The following KIAA0232 variants were observed in gnomAD, a reference collection of about 807,000 sequenced individuals.
KIAA0232 encodes KIAA0232.
A neutral mutation model predicts 122.0 loss-of-function variants in KIAA0232; 27 were observed. The ratio of observed to expected loss-of-function variants is 0.22; its 90% CI spans 0.16 to 0.31. The LOEUF (loss-of-function observed/expected upper bound fraction) is 0.31, where lower values mean the gene tolerates loss of function less well. Ranked by LOEUF, KIAA0232 falls within the 10% of genes least tolerant of loss-of-function variation. The pLI is 1.00. For synonymous variants in KIAA0232, 613 were observed against 587.6 expected (o/e 1.04, Z -0.63); for missense variants, 1,551 against 1,634.2 (o/e 0.95, Z 0.88).
intron 1 of KIAA0232, among the ~76,000 whole-genome samples, chr4:6,800,764 G>A (rs1219959488): frequency 6.6e-6 from 1 of 152,160 alleles, no homozygotes; most frequent in Non-Finnish European, 1.5e-5. Flanking sequence ...CAGAATGGCA[G>A]AAATGTCATT....
At chr4:6,830,200 C>G (rs531745416) in intron 3 of KIAA0232, among the ~76,000 whole-genome samples, 45 of 152,216 alleles carry the variant, frequency 3.0e-4, no homozygotes, top group African/African-American at 8.2e-4. Context: ...TTACACCATC[C>G]TGTTATTATT....
Position 6,802,752 on chromosome 4 carries a change from G to A in KIAA0232, c.-353-1771G>A, listed in dbSNP as rs550112237. 6.4e-4 allele frequency among the ~76,000 whole-genome samples: 97 copies of A among 152,210 alleles called. 2 individuals are homozygous for A. In the South Asian group the frequency reaches 0.019, roughly 30 times the overall value. ...GAGTGGTGATTCAGGTATAGAGCAAGGTGTGGTATGTTGGTGATGTAAGGA... is the reference window on the plus strand; with the variant it reads ...GAGTGGTGATTCAGGTATAGAGCAAAGTGTGGTATGTTGGTGATGTAAGGA... On this transcript the variant is annotated intron_variant, in intron 1 of 9. Transcript: ENST00000307659.
chr4:6,825,300 C>A (rs1718620346), intron 3 of KIAA0232, among the ~76,000 whole-genome samples: 1 of 152,072 alleles, frequency 6.6e-6, no homozygotes, highest in Non-Finnish European at 1.5e-5. Flanking sequence ...CTTAGAGTCC[C>A]AACACTTTGG....
chr4:6,866,349 G>C (rs868220020), intron 7 of KIAA0232: 1 of 350,802 alleles, frequency 2.9e-6, no homozygotes, highest in South Asian at 1.1e-4. Context: ...AGGACATTTT[G>C]GGATTGTCTG....
intron 2 of KIAA0232, among the ~76,000 whole-genome samples, chr4:6,806,795 C>A (rs543129405): frequency 2.7e-5 from 4 of 146,354 alleles, no homozygotes; most frequent in Middle Eastern, 3.6e-3. Context: ...ACAGGCTGAT[C>A]GAAACTTTCA....
At position 6,857,211 on chromosome 4, in the gene KIAA0232, A is replaced by G. The variant is rs1720612833; in HGVS notation, c.417A>G (p.Lys139=). 2 of 1,611,984 alleles carry G rather than the reference A, an allele frequency of 1.2e-6. No homozygotes were observed. Among genetic ancestry groups the G allele is most frequent in the African/African-American group, 1.3e-5 (1 of 74,802 alleles). Reference sequence around the variant, plus strand: ...TGGAGGAGCTCTGCTCCAGACTGAAAGACCTTCAGAGTAAGCAAGGTGAGG... The same window carrying G: ...TGGAGGAGCTCTGCTCCAGACTGAAGGACCTTCAGAGTAAGCAAGGTGAGG... The part of the protein sequence containing the change: ...TLVEELCSRL[K]DLQSKQEEKI... The change falls in exon 5 of 10, where the codon AAA becomes AAG. Residue 139 remains lysine, a synonymous_variant. Coordinates refer to ENST00000307659, the MANE Select transcript of KIAA0232 (RefSeq NM_014743.3).
At chr4:6,804,196 C>A (rs921838783) in intron 1 of KIAA0232, among the ~76,000 whole-genome samples, 6 of 152,142 alleles carry the variant, frequency 3.9e-5, no homozygotes, top group African/African-American at 1.4e-4. Context: ...ACACTTTTAG[C>A]AGCTGTACCT....
chr4:6,831,229 T>A (rs374130964), intron 3 of KIAA0232, among the ~76,000 whole-genome samples: 4 of 151,982 alleles, frequency 2.6e-5, no homozygotes, highest in African/African-American at 7.2e-5. Flanking sequence ...CTAATTTTTG[T>A]ATTTTTAGTG....
intron 3 of KIAA0232, among the ~76,000 whole-genome samples, chr4:6,839,925 TTAGGGGCAAA>T (rs984748640): frequency 1.2e-4 from 19 of 152,200 alleles, no homozygotes; most frequent in Non-Finnish European, 1.5e-5. Flanking sequence ...GGCTCATTTT[TTAGGGGCAAA>T]TAGGGGTTAT....
intron 3 of KIAA0232, among the ~76,000 whole-genome samples, chr4:6,831,688 C>T (rs1718990317): frequency 6.6e-6 from 1 of 152,144 alleles, no homozygotes; most frequent in African/African-American, 2.4e-5. Context: ...AACCCAGAAG[C>T]CCCCCTCGTG....
intron 4 of KIAA0232, among the ~76,000 whole-genome samples, chr4:6,843,684 C>G (rs899010970): frequency 6.6e-6 from 1 of 152,040 alleles, no homozygotes; most frequent in Non-Finnish European, 1.5e-5. Context: ...GCAGGAGAAT[C>G]ACTTGAACCT....
At chr4:6,824,047 G>A (rs1296989947) in intron 2 of KIAA0232, 138 bp from the exon 3 acceptor site, 4 of 370,276 alleles carry the variant, frequency 1.1e-5, no homozygotes, top group Non-Finnish European at 1.9e-5. Flanking sequence ...AAAGATGATG[G>A]GGGGAAAAAT....
intron 4 of KIAA0232, 123 bp downstream of exon 4, chr4:6,842,327 A>C: frequency 1.1e-6 from 1 of 926,370 alleles, no homozygotes; most frequent in Non-Finnish European, 1.6e-6. Flanking sequence ...TTTACCAAGT[A>C]ACATGAACAT....
At chr4:6,783,082 C>G (rs1205591762) in intron 1 of KIAA0232, among the ~76,000 whole-genome samples, 1 of 150,780 alleles carries the variant, frequency 6.6e-6, no homozygotes, top group African/African-American at 2.4e-5. Flanking sequence ...CTGAGGGAGA[C>G]CGGGCCGCCG....
At chr4:6,851,722 T>TTA (rs1402229445) in intron 4 of KIAA0232, among the ~76,000 whole-genome samples, 5 of 97,220 alleles carry the variant, frequency 5.1e-5, no homozygotes, top group Non-Finnish European at 5.8e-5. Flanking sequence ...TCTCAAAAAT[T>TTA]AAAAAAAAAA....
intron 2 of KIAA0232, among the ~76,000 whole-genome samples, chr4:6,818,229 C>T (rs980501672): frequency 2.6e-5 from 4 of 151,554 alleles, no homozygotes; most frequent in East Asian, 1.9e-4. Flanking sequence ...GGTGAAACCC[C>T]GTCTCTACTA....
At chr4:6,785,318 C>G (rs191963290) in intron 1 of KIAA0232, among the ~76,000 whole-genome samples, 2 of 152,154 alleles carry the variant, frequency 1.3e-5, no homozygotes, top group Non-Finnish European at 2.9e-5. Context: ...TACGGTAGCA[C>G]TCTTCAAAAG....
rs1212835965 is a variant in KIAA0232 at position 6,818,066 on chromosome 4, G to A, written c.-269-6119G>A. Among the ~76,000 whole-genome samples, 5 of 151,872 alleles carry A rather than the reference G, an allele frequency of 3.3e-5. No individual in the cohort carries two copies. In the East Asian group the frequency reaches 9.6e-4, roughly 29 times the overall value. ...TATTTGTGTCTTTATATTTAAAGTG[G>A]ATTTTATACACCTATAACATTCAAA... is the stretch of plus-strand genomic sequence containing the variant. On this transcript the variant is annotated intron_variant, in intron 2 of 9. Transcript: ENST00000307659.
At chr4:6,794,084 C>G (rs145624909) in intron 1 of KIAA0232, among the ~76,000 whole-genome samples, 85 of 152,204 alleles carry the variant, frequency 5.6e-4, no homozygotes, top group African/African-American at 2.0e-3. Flanking sequence ...AAGGGTAAGG[C>G]GAGAGGAAGC....
Sources: allele counts gnomAD v4.1 joint callset (sites outside exome capture counted in the v4.1 genomes callset), GRCh38; gene constraint gnomAD v4.1.1; transcripts MANE v1.5; gene names NCBI Gene and HGNC (gene_info 2026-07-23, HGNC 2026-07-21).